Variants in CACNA2D2 observed in about 807,000 individuals in gnomAD.
CACNA2D2 encodes the protein voltage-dependent calcium channel subunit alpha-2/delta-2.
In CACNA2D2, 48 loss-of-function variants were observed where a neutral mutation model predicts 166.4. That is an observed-to-expected ratio of 0.29 (90% CI 0.23 to 0.37). CACNA2D2 has a LOEUF of 0.37. Among genes scored for constraint, CACNA2D2 ranks in the 10% least tolerant of loss-of-function variants. The pLI, the probability that CACNA2D2 is intolerant of heterozygous loss-of-function variation, is 1.00. For missense variants in CACNA2D2, 1,122 were observed against 1,433.0 expected, an observed-to-expected ratio of 0.78 and a Z score of 3.50; for synonymous variants, 561 against 573.7, an observed-to-expected ratio of 0.98 and a Z score of 0.32.
At chr3:50,501,881 C>A (rs1698979577) in intron 1 of CACNA2D2, among the ~76,000 whole-genome samples, 1 of 152,120 alleles carries the variant, frequency 6.6e-6, no homozygotes, top group South Asian at 2.1e-4. Context: ...CCTGGGCAAC[C>A]CCCAAACACA....
In CACNA2D2 at chr3:50,365,016, C is replaced by G; in HGVS notation, c.3209-46G>C. On this transcript the variant is annotated intron_variant, in intron 36 of 37. Coordinates refer to ENST00000424201, the MANE Select transcript of CACNA2D2 (RefSeq NM_006030.4). This position sits in a 1 kb window ranked among gnomAD's most constrained non-coding sequence, Gnocchi z 4.5. ...AAGGAGGCGGACGGCGGCGGCGGCA[C>G]GGAGGGGGCGCGCGGGGCAGAGGGG... 1.4e-6 allele frequency: 2 copies of G among 1,427,438 alleles called. No homozygotes were observed. The highest frequency in any genetic ancestry group is 1.9e-6 in the Non-Finnish European group (2 of 1,063,720). The allele number at this position is 1,427,438 out of a possible 1,614,324, so 88.4% of individuals were successfully genotyped here. A position where few individuals can be genotyped will look rare whatever the true frequency, so the allele number is the denominator to read the frequency against.
At position 50,435,792 on chromosome 3, in the gene CACNA2D2, T is replaced by C. The variant is rs575688173; in HGVS notation, c.289-1363A>G. On this transcript the variant is annotated intron_variant, in intron 2 of 37. Coordinates refer to ENST00000424201, the MANE Select transcript of CACNA2D2 (RefSeq NM_006030.4). Reference sequence around the variant, plus strand: ...CATCCCTCCCGGCTTCTCTTTTCTTTTTGTCCTTCTTTTAGAACAAAATAA... The same window carrying C: ...CATCCCTCCCGGCTTCTCTTTTCTTCTTGTCCTTCTTTTAGAACAAAATAA... 8.6e-4 allele frequency among the ~76,000 whole-genome samples: 131 copies of C among 152,262 alleles called. 4 individuals are homozygous for C. The South Asian group carries it at 0.025, about 29-fold the overall frequency.
At chr3:50,421,844 C>T (rs542686911) in intron 3 of CACNA2D2, among the ~76,000 whole-genome samples, 1 of 152,302 alleles carries the variant, frequency 6.6e-6, no homozygotes, top group Non-Finnish European at 1.5e-5. Flanking sequence ...AAAGGCCATG[C>T]CCTCTGACCC....
In CACNA2D2 at chr3:50,366,851, G is replaced by A. The variant is rs1040125133; in HGVS notation, c.2569C>T (p.His857Tyr). Residue 857 changes from histidine (H) to tyrosine (Y), a missense_variant, in exon 29 of 38, where the codon CAC becomes TAC. Transcript: ENST00000424201. This position sits in a 1 kb window ranked among gnomAD's most constrained non-coding sequence, Gnocchi z 5.9. The stretch of plus-strand genomic sequence containing the variant: ...AATACCTTCTGAGGCTGGTCTTGGT[G>A]GGTACGGTTGCTGGCTAGCACCTTG... ...KFKVLASNRT[H>Y]QDQPQKCGPN... The A allele has an allele frequency of 1.2e-6, 2 of 1,613,530 alleles. No individual in the cohort carries two copies. Among genetic ancestry groups the A allele is most frequent in the East Asian group, 2.2e-5 (1 of 44,882 alleles).
chr3:50,479,971 C>T (rs1697976307), intron 1 of CACNA2D2, among the ~76,000 whole-genome samples: 1 of 152,118 alleles, frequency 6.6e-6, no homozygotes, highest in East Asian at 1.9e-4. Context: ...GGGAGAGTGG[C>T]CAGGAGGAGA....
chr3:50,460,803 G>T (rs1185033846), intron 2 of CACNA2D2, among the ~76,000 whole-genome samples: 1 of 151,468 alleles, frequency 6.6e-6, no homozygotes, highest in African/African-American at 2.4e-5. Context: ...GCAGTGAGCC[G>T]AGATCACGCC....
At chr3:50,402,195 C>G (rs1706482948) in intron 3 of CACNA2D2, among the ~76,000 whole-genome samples, 1 of 152,198 alleles carries the variant, frequency 6.6e-6, no homozygotes, top group African/African-American at 2.4e-5. Flanking sequence ...GGGACAGGAG[C>G]CAAATGTGTC....
Position 50,379,753 on chromosome 3 carries a change from G to A in CACNA2D2, c.965C>T (p.Ser322Phe). 6.2e-7 allele frequency: 1 copy of A among 1,613,938 alleles called. No homozygotes were observed. Among genetic ancestry groups the A allele is most frequent in the African/African-American group, 1.3e-5 (1 of 75,044 alleles). Residue 322 changes from serine (S) to phenylalanine (F), a missense_variant, in exon 10 of 38, where the codon TCT becomes TTT. Physicochemically the swap from Ser to Phe is radical, Grantham distance 155. Coordinates refer to ENST00000424201, the MANE Select transcript of CACNA2D2 (RefSeq NM_006030.4). This position sits in a 1 kb window ranked among gnomAD's most constrained non-coding sequence, Gnocchi z 6.5. ...GGCCACATTCACATAGTCATCATCA[G>A]ACAGCGTGTCCAGCATCTCGCAGAC... is the stretch of plus-strand genomic sequence containing the variant. ...TSVCEMLDTLSDDDYVNVASF... is the reference protein window; with the variant it reads ...TSVCEMLDTLFDDDYVNVASF...
At chr3:50,464,639 T>G (rs1340383731) in intron 2 of CACNA2D2, among the ~76,000 whole-genome samples, 1 of 152,216 alleles carries the variant, frequency 6.6e-6, no homozygotes, top group Admixed American at 6.5e-5. Context: ...GGCCAGACCC[T>G]TCTTGATGCA....
intron 3 of CACNA2D2, among the ~76,000 whole-genome samples, chr3:50,432,023 TTC>T (rs1284030396): frequency 1.3e-5 from 2 of 150,276 alleles, no homozygotes; most frequent in African/African-American, 5.0e-5. Context: ...AGAAAATAAT[TTC>T]TGTTTAGTGC....
At chr3:50,456,326 G>T (rs772457645) in intron 2 of CACNA2D2, among the ~76,000 whole-genome samples, 9 of 152,350 alleles carry the variant, frequency 5.9e-5, no homozygotes, top group Non-Finnish European at 7.3e-5. Flanking sequence ...CTGGTAGAGT[G>T]GGGGAGGGGA....
rs765450944 is a variant in CACNA2D2, at chr3:50,476,177, G to A, written c.229C>T (p.Leu77=). The change falls in exon 2 of 38, where the codon CTG becomes TTG. Residue 77 remains leucine (L), a synonymous_variant. Transcript: ENST00000424201. ...QHTMQHWARR[L]EQEVDGVMRI... ...ATCACGCCGTCGACCTCCTGCTCCA[G>A]ACGCCGGGCCCAGTGCTGCATCCTG... is the stretch of plus-strand genomic sequence containing the variant. 1 of 1,597,818 alleles carries A rather than the reference G, an allele frequency of 6.3e-7. No individual in the cohort carries two copies. Among genetic ancestry groups the A allele is most frequent in the East Asian group, 2.3e-5 (1 of 44,278 alleles).
chr3:50,450,528 C>A (rs1370659015), intron 2 of CACNA2D2, among the ~76,000 whole-genome samples: 2 of 152,202 alleles, frequency 1.3e-5, no homozygotes, highest in Non-Finnish European at 2.9e-5. Flanking sequence ...TGCTCTCGCC[C>A]ACCAGAGCCA....
chr3:50,389,430 G>A (rs942207766), intron 4 of CACNA2D2, among the ~76,000 whole-genome samples: 19 of 152,232 alleles, frequency 1.2e-4, no homozygotes, highest in Non-Finnish European at 2.4e-4. Flanking sequence ...ATGAAAGCGG[G>A]CGGGTGCGGT....
chr3:50,469,411 C>G (rs1280179522), intron 2 of CACNA2D2, among the ~76,000 whole-genome samples: 1 of 151,978 alleles, frequency 6.6e-6, no homozygotes, highest in African/African-American at 2.4e-5. Flanking sequence ...TCATGATCAA[C>G]AGAGATGAAG....
At position 50,376,248 on chromosome 3, in the gene CACNA2D2, C is replaced by T. The variant is rs191370304; in HGVS notation, c.1627-60G>A. On this transcript the variant is annotated intron_variant, in intron 17 of 37. Transcript: ENST00000424201. The surrounding 1 kb of genome is among the most constrained non-coding windows in gnomAD (Gnocchi z 4.3). ...GGATGGGCTGGGGTTCCCTGGGCTC[C>T]GGAGTTCTTCCCTATTTGGCCTCCC... is the stretch of plus-strand genomic sequence containing the variant. The T allele has an allele frequency of 2.7e-5, 42 of 1,564,920 alleles. No individual in the cohort carries two copies. Among genetic ancestry groups the T allele is most frequent in the Non-Finnish European group, 3.2e-5 (37 of 1,141,746 alleles).
chr3:50,494,928 G>A (rs1042556185), intron 1 of CACNA2D2, among the ~76,000 whole-genome samples: 12 of 152,136 alleles, frequency 7.9e-5, no homozygotes, highest in African/African-American at 2.9e-4. Flanking sequence ...CTCCCACCTC[G>A]GCCTCCTAAA....
chr3:50,457,073 A>C (rs1709392276), intron 2 of CACNA2D2, among the ~76,000 whole-genome samples: 1 of 152,200 alleles, frequency 6.6e-6, no homozygotes, highest in South Asian at 2.1e-4. Flanking sequence ...AACATGGTGA[A>C]ACCCTGTCTC....
At chr3:50,426,089 T>C (rs1707797077) in intron 3 of CACNA2D2, among the ~76,000 whole-genome samples, 1 of 152,040 alleles carries the variant, frequency 6.6e-6, no homozygotes, top group Non-Finnish European at 1.5e-5. Flanking sequence ...CTCTACTTCC[T>C]CCCAATCCCT....
Sources: gnomAD v4.1 joint callset for allele counts (sites outside exome capture counted in the v4.1 genomes callset) on GRCh38, gnomAD v4.1.1 for gene constraint, Gnocchi (gnomAD v3.1) non-coding constraint, MANE v1.5 for transcripts, NCBI Gene and HGNC (gene_info 2026-07-23, HGNC 2026-07-21) for gene names.